TRPV3: variants seen among roughly 807,000 people sequenced by gnomAD.
TRPV3 encodes VRL-3.
A neutral mutation model predicts 87.1 loss-of-function variants in TRPV3; 88 were observed. That is an observed-to-expected ratio of 1.01 (90% CI 0.85 to 1.21). The LOEUF is 1.21. Ranked by LOEUF, TRPV3 falls within the 50% of genes most tolerant of loss-of-function variation. The probability of loss-of-function intolerance (pLI) is 0.00; values close to 1 mark genes in which losing one functional copy is unlikely to be tolerated. For missense variants in TRPV3, 1,054 were observed against 1,030.1 expected, an observed-to-expected ratio of 1.02 and a Z score of -0.32; for synonymous variants, 438 against 423.3, an observed-to-expected ratio of 1.03 and a Z score of -0.43.
chr17:3,535,493 T>A, intron 7 of TRPV3, 80 bp downstream of exon 7: 3 of 1,069,780 alleles, frequency 2.8e-6, no homozygotes, highest in Non-Finnish European at 3.5e-6. Context: ...CCTTCTTCCC[T>A]CCTTCCCCTT....
chr17:3,529,849 T>C (rs956315172), intron 9 of TRPV3, among the ~76,000 whole-genome samples, 178 bp downstream of exon 9: 2 of 131,862 alleles, frequency 1.5e-5, no homozygotes, highest in African/African-American at 5.7e-5. Flanking sequence ...GGGCCCAGCA[T>C]CTGTCCCAGG....
intron 14 of TRPV3, among the ~76,000 whole-genome samples, chr17:3,519,974 TTGGATGGATGGATGGA>T (rs56355146): frequency 1.7e-5 from 2 of 116,952 alleles, no homozygotes; most frequent in African/African-American, 3.0e-5. Flanking sequence ...GGATGAATGA[TTGGATGGATGGATGGA>T]TGGATGGATG....
At chr17:3,525,164 C>G (rs1160690494) in intron 12 of TRPV3, among the ~76,000 whole-genome samples, 1 of 149,792 alleles carries the variant, frequency 6.7e-6, no homozygotes, top group Non-Finnish European at 1.5e-5. Flanking sequence ...GGATTACAGG[C>G]ACCCGCCACC....
chr17:3,550,252 A>G (rs1298509520), intron 2 of TRPV3, among the ~76,000 whole-genome samples: 2 of 152,100 alleles, frequency 1.3e-5, no homozygotes, highest in Non-Finnish European at 2.9e-5. Context: ...ATCTCTCATA[A>G]GAAGATGAGG....
intron 13 of TRPV3, 141 bp downstream of exon 13, chr17:3,524,057 C>T (rs112769686): frequency 1.7e-6 from 2 of 1,153,948 alleles, no homozygotes; most frequent in East Asian, 2.4e-5. Flanking sequence ...TGGCCGAAAG[C>T]AAAGGGAGTG....
chr17:3,537,356 A>G (rs971682485), intron 6 of TRPV3, among the ~76,000 whole-genome samples: 1 of 40,430 alleles, frequency 2.5e-5, no homozygotes, highest in Non-Finnish European at 4.8e-4. Flanking sequence ...TTTATGTTAG[A>G]TAAGTAAATA....
At chr17:3,550,953 G>C (rs1829981919) in intron 2 of TRPV3, among the ~76,000 whole-genome samples, 1 of 152,200 alleles carries the variant, frequency 6.6e-6, no homozygotes, top group African/African-American at 2.4e-5. Context: ...ATCTCGACCA[G>C]AGCTAAGACA....
rs191113097 is a variant in TRPV3, at chr17:3,538,653, C to T, written c.644-2940G>A. Among the ~76,000 whole-genome samples the T allele has an allele frequency of 3.3e-3, 494 of 151,954 alleles. 4 individuals are homozygous for T. The highest frequency in any genetic ancestry group is 0.011 in the African/African-American group (455 of 41,490). ...AGGCTGGAGTGCAGTGGCGCGATCT[C>T]GGCTCACTGCAACCTCCGCCTCCCA... On this transcript the variant is annotated intron_variant, in intron 6 of 17. Coordinates refer to ENST00000576742, the MANE Select transcript of TRPV3 (RefSeq NM_145068.4).
rs768442567 is a variant in TRPV3, at chr17:3,518,589, A to G, written c.2072T>C (p.Ile691Thr). Reference protein sequence around the residue: ...VENVSKESERIWRLQRARTIL... With the variant: ...VENVSKESERTWRLQRARTIL... ...ACCTAGGCTCACCTGCAGGCGCCAG[A>G]TGCGTTCGCTCTCCTTGGAGACGTT... Residue 691 changes from isoleucine to threonine, a missense_variant, in exon 15 of 18, where the codon ATC (isoleucine) becomes ACC (threonine). Physicochemically the swap from Ile to Thr is moderately conservative, Grantham distance 89. Transcript: ENST00000576742. This position sits in a 1 kb window ranked among gnomAD's most constrained non-coding sequence, Gnocchi z 4.3. The G allele has an allele frequency of 6.4e-7, 1 of 1,556,368 alleles. No homozygotes were observed. The highest frequency in any genetic ancestry group is 8.7e-7 in the Non-Finnish European group (1 of 1,149,194).
chr17:3,537,898 A>C (rs961172338), intron 6 of TRPV3, among the ~76,000 whole-genome samples: 11 of 149,370 alleles, frequency 7.4e-5, no homozygotes. Flanking sequence ...TTTTTAAAAA[A>C]AAAAAAAAAA....
chr17:3,522,013 T>C (rs2074251037), intron 13 of TRPV3, among the ~76,000 whole-genome samples: 2 of 152,078 alleles, frequency 1.3e-5, no homozygotes, highest in Admixed American at 1.3e-4. Context: ...GAGGAAGGGG[T>C]TGCAGTGAGC....
intron 12 of TRPV3, among the ~76,000 whole-genome samples, chr17:3,525,797 T>C (rs1328322848): frequency 6.6e-6 from 1 of 152,056 alleles, no homozygotes; most frequent in Non-Finnish European, 1.5e-5. Flanking sequence ...AATTTTTGTA[T>C]TTTTTGTAGA....
chr17:3,525,164 C>CGTG (rs567426796), intron 12 of TRPV3, among the ~76,000 whole-genome samples: 48 of 149,900 alleles, frequency 3.2e-4, no homozygotes, highest in Middle Eastern at 3.4e-3. Context: ...GGATTACAGG[C>CGTG]ACCCGCCACC....
In TRPV3 at chr17:3,528,079, C is replaced by G. The variant is rs541614971; in HGVS notation, c.1449G>C (p.Gln483His). Residue 483 changes from glutamine (Q) to histidine (H), a missense_variant, in exon 11 of 18, where the codon CAG becomes CAC. Physicochemically the swap from Gln to His is conservative, Grantham distance 24. Coordinates refer to ENST00000576742, the MANE Select transcript of TRPV3 (RefSeq NM_145068.4). This position sits in a 1 kb window ranked among gnomAD's most constrained non-coding sequence, Gnocchi z 4.2. ...LALTHKMGWL[Q>H]LLGRMFVLIW... is the part of the protein sequence containing the mutation. ...TGAGCACAAACATCCTCCCTAGGAG[C>G]TGCAGCCACCCCATCTTGTGCGTCA... 1 of 1,613,746 alleles carries G rather than the reference C, an allele frequency of 6.2e-7. No individual in the cohort carries two copies. The highest frequency in any genetic ancestry group is 1.1e-5 in the South Asian group (1 of 91,072).
In TRPV3 at chr17:3,555,872, C is replaced by T. The variant is rs376063034; in HGVS notation, c.-2-1020G>A. Among the ~76,000 whole-genome samples the T allele has an allele frequency of 4.6e-5, 7 of 152,078 alleles. 1 individual carries two copies. ...GGCTGGGCCCTGTATAGTCCTCGAA[C>T]ACCGCATAAGAGCTGTGGCTTCAGG... is the stretch of plus-strand genomic sequence containing the variant. On this transcript the variant is annotated intron_variant, in intron 1 of 17. Transcript: ENST00000576742.
intron 6 of TRPV3, among the ~76,000 whole-genome samples, chr17:3,540,799 T>C (rs2074451859): frequency 6.6e-6 from 1 of 152,208 alleles, no homozygotes; most frequent in South Asian, 2.1e-4. Context: ...TGTCAACTCC[T>C]TAGAGACAGG....
chr17:3,537,964 T>C lies in TRPV3; in HGVS notation c.644-2251A>G, dbSNP rs183153421. 1.7e-3 allele frequency among the ~76,000 whole-genome samples: 249 copies of C among 148,150 alleles called. 2 individuals carry two copies. The East Asian group carries it at 0.039, about 23-fold the overall frequency. On this transcript the variant is annotated intron_variant, in intron 6 of 17. Coordinates refer to ENST00000576742, the MANE Select transcript of TRPV3 (RefSeq NM_145068.4). ...CTGTAATCCCAGCACTTTGGGAGGC[T>C]GAGGCGGGCAGATCACGAGGTCAGG...
At position 3,524,228 on chromosome 17, in the gene TRPV3, G is replaced by A; in HGVS notation, c.1713C>T (p.Ser571=). ...NMLYYTRGFQ[S]MGMYSVMIQK... ...GGATCATGACGCTGTACATGCCCAT[G>A]GACTGGAAACCCCGCGTATAGTAGA... The change falls in exon 13 of 18, where the codon TCC becomes TCT. Residue 571 remains serine, a synonymous_variant. Transcript: ENST00000576742. 2 of 1,614,218 alleles carry A rather than the reference G, an allele frequency of 1.2e-6. No homozygotes were observed. The highest frequency in any genetic ancestry group is 1.7e-6 in the Non-Finnish European group (2 of 1,180,040).
rs1259528706 is a variant in TRPV3, at chr17:3,512,305, C to T, written c.*1612G>A. 1.6e-5 allele frequency: 2 copies of T among 122,206 alleles called. No homozygotes were observed. The highest frequency in any genetic ancestry group is 6.0e-5 in the African/African-American group (2 of 33,586). The allele number at this position is 122,206 out of a possible 1,614,324, so 7.6% of individuals were successfully genotyped here. ...CCTGGGTCAGCTGGGAGGGCAGGGG[C>T]TGCTGTGGATTGTGAAGCCTCACAC... is the stretch of plus-strand genomic sequence containing the variant. On this transcript the variant is annotated 3_prime_UTR_variant, in exon 18 of 18. Transcript: ENST00000576742.
Sources: gnomAD v4.1 joint callset for allele counts (sites outside exome capture counted in the v4.1 genomes callset) on GRCh38, gnomAD v4.1.1 for gene constraint, Gnocchi (gnomAD v3.1) non-coding constraint, MANE v1.5 for transcripts, NCBI Gene and HGNC (gene_info 2026-07-23, HGNC 2026-07-21) for gene names.